The following BMPR1B variants were observed in gnomAD, a reference collection of about 807,000 sequenced individuals.
The protein encoded by BMPR1B is bone morphogenetic protein receptor type-1B.
Under a neutral mutation model 59.1 loss-of-function variants are expected in BMPR1B, and 12 were observed. That is an observed-to-expected ratio of 0.20 (90% CI 0.13 to 0.33). BMPR1B has a LOEUF of 0.33. Ranked by LOEUF, BMPR1B falls within the 10% of genes least tolerant of loss-of-function variation. The probability of loss-of-function intolerance (pLI) is 1.00; values close to 1 mark genes in which losing one functional copy is unlikely to be tolerated. For missense variants in BMPR1B, 550 were observed against 610.9 expected, an observed-to-expected ratio of 0.90 and a Z score of 1.05; for synonymous variants, 237 against 207.3, an observed-to-expected ratio of 1.14 and a Z score of -1.23.
intron 1 of BMPR1B, among the ~76,000 whole-genome samples, chr4:94,762,035 T>C (rs754101567): frequency 3.9e-5 from 6 of 152,180 alleles, no homozygotes; most frequent in Non-Finnish European, 8.8e-5. Flanking sequence ...CATTTTGTTA[T>C]GTTATTTCTG....
chr4:94,762,196 G>C (rs1487575312), intron 1 of BMPR1B, among the ~76,000 whole-genome samples: 1 of 151,978 alleles, frequency 6.6e-6, no homozygotes, highest in Non-Finnish European at 1.5e-5. Context: ...TGCCTACTCT[G>C]TGTGTGGCAC....
At chr4:94,916,260 G>A (rs557862065) in intron 2 of BMPR1B, among the ~76,000 whole-genome samples, 1 of 152,316 alleles carries the variant, frequency 6.6e-6, no homozygotes, top group South Asian at 2.1e-4. Context: ...GCAGAGGTTG[G>A]AAGAATTTGG....
At chr4:95,036,505 T>C (rs571450306) in intron 3 of BMPR1B, among the ~76,000 whole-genome samples, 1 of 152,284 alleles carries the variant, frequency 6.6e-6, no homozygotes, top group Non-Finnish European at 1.5e-5. Context: ...CTTAACATAA[T>C]GATCTCCAGT....
At chr4:95,097,850 GA>G (rs1193871011) in intron 3 of BMPR1B, among the ~76,000 whole-genome samples, 1 of 152,032 alleles carries the variant, frequency 6.6e-6, no homozygotes, top group East Asian at 1.9e-4. Flanking sequence ...TTTCTTTGGT[GA>G]AAAACTTTTT....
intron 3 of BMPR1B, among the ~76,000 whole-genome samples, chr4:95,072,641 C>A (rs1728397034): frequency 6.6e-6 from 1 of 152,052 alleles, no homozygotes; most frequent in African/African-American, 2.4e-5. Context: ...ATTAAAATTC[C>A]GTTTCTTACT....
chr4:95,033,735 C>T (rs1314724494), intron 3 of BMPR1B, among the ~76,000 whole-genome samples: 1 of 152,100 alleles, frequency 6.6e-6, no homozygotes, highest in Non-Finnish European at 1.5e-5. Context: ...CTTAGACCAG[C>T]TTCCTGAGCT....
At chr4:94,794,857 G>C (rs201022520) in intron 1 of BMPR1B, among the ~76,000 whole-genome samples, 2,841 of 144,740 alleles carry the variant, frequency 0.02, 29 homozygotes, top group Middle Eastern at 0.054. Flanking sequence ...TGTGATTTTT[G>C]TACATTGATT....
At chr4:95,138,700 G>A (rs904254316) in intron 10 of BMPR1B, among the ~76,000 whole-genome samples, 4 of 151,918 alleles carry the variant, frequency 2.6e-5, no homozygotes, top group Non-Finnish European at 4.4e-5. Context: ...TGATCGAATC[G>A]ACTACTGAAG....
chr4:94,992,254 C>A (rs1344595037), intron 2 of BMPR1B, among the ~76,000 whole-genome samples: 4 of 152,178 alleles, frequency 2.6e-5, no homozygotes, highest in Non-Finnish European at 5.9e-5. Context: ...CTTTCTGCTA[C>A]CCCTCAATAC....
At chr4:94,786,215 C>T (rs983294978) in intron 1 of BMPR1B, among the ~76,000 whole-genome samples, 7 of 152,130 alleles carry the variant, frequency 4.6e-5, no homozygotes, top group African/African-American at 7.2e-5. Context: ...TATTATCATG[C>T]GGGTACTTAC....
intron 2 of BMPR1B, 104 bp downstream of exon 2, chr4:94,876,004 A>G (rs1270127362): frequency 6.6e-6 from 1 of 152,640 alleles, no homozygotes; most frequent in African/African-American, 2.4e-5. Flanking sequence ...CAGAAAGATA[A>G]TACATTTTAT....
At chr4:94,969,772 T>G (rs1352108529) in intron 2 of BMPR1B, among the ~76,000 whole-genome samples, 1 of 152,194 alleles carries the variant, frequency 6.6e-6, no homozygotes, top group Non-Finnish European at 1.5e-5. Flanking sequence ...TTTGTCTACT[T>G]TGTTCTCCTC....
chr4:94,961,387 A>G (rs905990405), intron 2 of BMPR1B, among the ~76,000 whole-genome samples: 1 of 152,186 alleles, frequency 6.6e-6, no homozygotes, highest in Non-Finnish European at 1.5e-5. Flanking sequence ...GATTCTTTAT[A>G]GAAAATGTTT....
rs914089881 is a variant in BMPR1B at position 95,098,856 on chromosome 4, A to T, written c.-17-5552A>T. Among the ~76,000 whole-genome samples, 30 of 152,046 alleles carry T rather than the reference A, an allele frequency of 2.0e-4. 1 individual carries two copies. The highest frequency in any genetic ancestry group is 1.5e-5 in the Non-Finnish European group (1 of 67,998). ...CTCAGACTCCCGAGTAGCTGGGACT[A>T]CAGGTGCCCGCTACCATGCCCGACT... On this transcript the variant is annotated intron_variant, in intron 3 of 12. Transcript: ENST00000515059.
At chr4:94,808,264 C>A (rs1174488506) in intron 1 of BMPR1B, among the ~76,000 whole-genome samples, 1 of 152,100 alleles carries the variant, frequency 6.6e-6, no homozygotes. Flanking sequence ...AGAAAAATTA[C>A]CCATGGCCCC....
chr4:94,943,121 G>A (rs951587123), intron 2 of BMPR1B, among the ~76,000 whole-genome samples: 7 of 151,870 alleles, frequency 4.6e-5, no homozygotes, highest in Admixed American at 3.9e-4. Context: ...GAAATCAGTC[G>A]GCCTGGATAC....
intron 2 of BMPR1B, among the ~76,000 whole-genome samples, chr4:94,932,342 G>A (rs1301584474): frequency 6.6e-6 from 1 of 152,124 alleles, no homozygotes; most frequent in Non-Finnish European, 1.5e-5. Flanking sequence ...GTAAGTGATA[G>A]GCTGGAATGG....
chr4:95,027,761 G>A (rs1325480405), intron 3 of BMPR1B, among the ~76,000 whole-genome samples: 8 of 152,200 alleles, frequency 5.3e-5, no homozygotes, highest in Admixed American at 4.6e-4. Context: ...TAGATGAAAT[G>A]CCTGCTTTTA....
chr4:95,051,680 T>C, intron 3 of BMPR1B: 1 of 1,534,846 alleles, frequency 6.5e-7, no homozygotes, highest in South Asian at 1.2e-5. Flanking sequence ...GCAGGGCACA[T>C]TGACTGCTCT....
Sources: allele counts gnomAD v4.1 joint callset (sites outside exome capture counted in the v4.1 genomes callset), GRCh38; gene constraint gnomAD v4.1.1; transcripts MANE v1.5; gene names NCBI Gene and HGNC (gene_info 2026-07-23, HGNC 2026-07-21).